Variants in COL24A1 observed in about 807,000 individuals in gnomAD.
COL24A1 encodes the protein collagen alpha-1(XXIV) chain.
A neutral mutation model predicts 253.9 loss-of-function variants in COL24A1; 224 were observed. The observed-to-expected ratio is 0.88, with a 90% CI of 0.79 to 0.99. The LOEUF (loss-of-function observed/expected upper bound fraction) is 0.99. COL24A1 is among the 50% of genes least tolerant of loss of function. The pLI is 0.00. For synonymous variants in COL24A1, 685 were observed against 673.7 expected, an observed-to-expected ratio of 1.02 and a Z score of -0.26; for missense variants, 2,131 against 2,068.5, an observed-to-expected ratio of 1.03 and a Z score of -0.59.
Position 85,882,462 on chromosome 1 carries a change from TCAAAAAA to T in COL24A1, c.2977-5294_2977-5288del, listed in dbSNP as rs532970375. On this transcript the variant is annotated intron_variant, in intron 32 of 59. Transcript: ENST00000370571. ...CTGGGCGACAGAGCAAGACTCCGTC[TCAAAAAA>T]CAAAAAACAAAAAACAAAAAACACA... 4.3e-3 allele frequency among the ~76,000 whole-genome samples: 660 copies of T among 152,146 alleles called. 4 individuals carry two copies. The highest frequency in any genetic ancestry group is 0.027 in the South Asian group (130 of 4,814).
At chr1:86,060,676 G>T (rs185731967) in intron 8 of COL24A1, among the ~76,000 whole-genome samples, 1 of 151,498 alleles carries the variant, frequency 6.6e-6, no homozygotes, top group Non-Finnish European at 1.5e-5. Context: ...TTTGCTAAGC[G>T]TTTTACATCT....
intron 39 of COL24A1, among the ~76,000 whole-genome samples, chr1:85,845,435 A>G (rs542678272): frequency 6.6e-6 from 1 of 151,940 alleles, no homozygotes; most frequent in Non-Finnish European, 1.5e-5. Context: ...TAAATGGTAT[A>G]TCTAAAAAAC....
At chr1:85,877,317 T>C (rs1269996338) in intron 32 of COL24A1, 142 bp from the exon 33 acceptor site, 3 of 570,524 alleles carry the variant, frequency 5.3e-6, no homozygotes, top group East Asian at 6.7e-5. Flanking sequence ...CATATTACTT[T>C]ACTCTGTATA....
At chr1:85,989,548 T>C (rs966145336) in intron 19 of COL24A1, among the ~76,000 whole-genome samples, 6 of 151,912 alleles carry the variant, frequency 3.9e-5, no homozygotes, top group African/African-American at 1.2e-4. Flanking sequence ...TCATTTTCAC[T>C]CCGTAGCCAG....
At chr1:86,134,892 C>A (rs1649961869) in intron 2 of COL24A1, among the ~76,000 whole-genome samples, 1 of 148,482 alleles carries the variant, frequency 6.7e-6, no homozygotes, top group Non-Finnish European at 1.5e-5. Context: ...GAGTTCAATT[C>A]CTGGATATCC....
chr1:85,805,691 G>T (rs1176057783), intron 47 of COL24A1, among the ~76,000 whole-genome samples: 2 of 152,116 alleles, frequency 1.3e-5, no homozygotes, highest in African/African-American at 4.8e-5. Flanking sequence ...GATTAAATTT[G>T]TTAATACATT....
At chr1:85,996,360 A>C (rs1252125133) in intron 19 of COL24A1, among the ~76,000 whole-genome samples, 3 of 152,176 alleles carry the variant, frequency 2.0e-5, no homozygotes, top group Non-Finnish European at 4.4e-5. Flanking sequence ...TATCTGTCTC[A>C]GAATTCTTAT....
chr1:85,818,517 G>A (rs1673276709), intron 45 of COL24A1, among the ~76,000 whole-genome samples: 1 of 152,200 alleles, frequency 6.6e-6, no homozygotes, highest in South Asian at 2.1e-4. Context: ...GGCACTTACA[G>A]TGTGGTAAGA....
At position 85,889,704 on chromosome 1, in the gene COL24A1, CA is replaced by C. The variant is rs1682902610; in HGVS notation, c.2923-92del. 3.0e-5 allele frequency: 33 copies of C among 1,091,362 alleles called. No individual in the cohort carries two copies. The South Asian group carries it at 4.5e-4, about 15-fold the overall frequency. 67.6% of individuals were successfully genotyped at this position (1,091,362 alleles called of 1,614,324 possible). Reference sequence around the variant, plus strand: ...ACCTTAGCTTTCCTATGGATCCTTCCACCCAACTTTTCTGTCTATTGCTATT... The same window carrying C: ...ACCTTAGCTTTCCTATGGATCCTTCCCCCAACTTTTCTGTCTATTGCTATT... On this transcript the variant is annotated intron_variant, in intron 31 of 59. Coordinates refer to ENST00000370571, the MANE Select transcript of COL24A1 (RefSeq NM_152890.7).
At chr1:86,092,239 T>C (rs1557586807) in intron 6 of COL24A1, 28 bp downstream of exon 6, 2 of 1,520,230 alleles carry the variant, frequency 1.3e-6, no homozygotes, top group East Asian at 2.3e-5. Flanking sequence ...TATATTACCA[T>C]AATTTCATTT....
At chr1:86,129,659 G>A (rs1039727232) in intron 2 of COL24A1, among the ~76,000 whole-genome samples, 2 of 151,546 alleles carry the variant, frequency 1.3e-5, no homozygotes, top group African/African-American at 4.8e-5. Flanking sequence ...GACCCAAGTG[G>A]TTTAAGAAAA....
intron 31 of COL24A1, among the ~76,000 whole-genome samples, chr1:85,894,800 G>T (rs1683484414): frequency 6.6e-6 from 1 of 152,084 alleles, no homozygotes; most frequent in African/African-American, 2.4e-5. Context: ...TAGGTCTCTG[G>T]TATTTTAGGT....
chr1:86,059,596 C>G (rs1057030942), intron 8 of COL24A1, among the ~76,000 whole-genome samples: 5 of 152,186 alleles, frequency 3.3e-5, no homozygotes, highest in African/African-American at 1.2e-4. Context: ...ACAAAACCAA[C>G]CTCTACTTCT....
intron 47 of COL24A1, among the ~76,000 whole-genome samples, chr1:85,814,963 G>C (rs1672913421): frequency 6.6e-6 from 1 of 152,004 alleles, no homozygotes; most frequent in Non-Finnish European, 1.5e-5. Context: ...CTATTAATAA[G>C]TTAATTACTA....
At chr1:85,923,810 T>A (rs1337067304) in intron 24 of COL24A1, among the ~76,000 whole-genome samples, 1 of 152,036 alleles carries the variant, frequency 6.6e-6, no homozygotes, top group Non-Finnish European at 1.5e-5. Flanking sequence ...AGGCAAGACA[T>A]AACTAATATC....
At chr1:86,109,544 C>T (rs1346353585) in intron 5 of COL24A1, among the ~76,000 whole-genome samples, 2 of 152,160 alleles carry the variant, frequency 1.3e-5, no homozygotes, top group Non-Finnish European at 2.9e-5. Context: ...TGCTTTTAGC[C>T]ATTCAAATTG....
At chr1:86,035,857 A>T (rs1698961689) in intron 12 of COL24A1, among the ~76,000 whole-genome samples, 1 of 152,072 alleles carries the variant, frequency 6.6e-6, no homozygotes, top group African/African-American at 2.4e-5. Flanking sequence ...AGTCCCTTGC[A>T]TCCAGTGGGA....
intron 11 of COL24A1, 77 bp downstream of exon 11, chr1:86,050,047 T>C (rs1700188199): frequency 1.6e-6 from 2 of 1,260,018 alleles, no homozygotes; most frequent in Non-Finnish European, 2.2e-6. Context: ...TTCCCTGACA[T>C]CTGATTTTAT....
In COL24A1 at chr1:86,055,167, G is replaced by C. The variant is rs995885661; in HGVS notation, c.1851+2764C>G. On this transcript the variant is annotated intron_variant, in intron 10 of 59. Transcript: ENST00000370571. ...AGGAGGGAGGGCCAGAAAAAGGCAAGGGTTGAAAAACTACCTATTGGGTAC... is the reference window on the plus strand; with the variant it reads ...AGGAGGGAGGGCCAGAAAAAGGCAACGGTTGAAAAACTACCTATTGGGTAC... Among the ~76,000 whole-genome samples, 3 of 152,242 alleles carry C rather than the reference G, an allele frequency of 2.0e-5. No individual in the cohort carries two copies. In the South Asian group the frequency reaches 6.2e-4, roughly 32 times the overall value.
Sources: gnomAD v4.1 joint callset for allele counts (sites outside exome capture counted in the v4.1 genomes callset) on GRCh38, gnomAD v4.1.1 for gene constraint, MANE v1.5 for transcripts, NCBI Gene and HGNC (gene_info 2026-07-23, HGNC 2026-07-21) for gene names.